The following KCNK9 variants were observed in gnomAD, a reference collection of about 807,000 sequenced individuals.
KCNK9 encodes the protein potassium channel subfamily K member 9.
KCNK9 carries 1 observed loss-of-function variant against 10.8 expected under a neutral mutation model. The observed-to-expected ratio is 0.09, with a 90% CI of 0.03 to 0.44. KCNK9 has a LOEUF of 0.44. KCNK9 is among the 20% of genes least tolerant of loss of function. The pLI is 0.97. For synonymous variants in KCNK9, 231 were observed against 222.7 expected (o/e 1.04, Z -0.33); for missense variants, 303 against 515.0 (o/e 0.59, Z 3.98).
chr8:139,606,248 C>T (rs775820903), intron 2 of KCNK9, among the ~76,000 whole-genome samples: 1 of 152,202 alleles, frequency 6.6e-6, no homozygotes, highest in Non-Finnish European at 1.5e-5. Flanking sequence ...TCTGCTACAA[C>T]TTTCCTGATT....
intron 1 of KCNK9, among the ~76,000 whole-genome samples, chr8:139,672,590 G>A (rs915545129): frequency 7.2e-5 from 11 of 152,160 alleles, no homozygotes; most frequent in African/African-American, 1.9e-4. Context: ...ACGGCCCCTC[G>A]CCTGAGGCTG....
intron 1 of KCNK9, among the ~76,000 whole-genome samples, chr8:139,669,938 A>G (rs1308791256): frequency 6.6e-6 from 1 of 152,242 alleles, no homozygotes; most frequent in African/African-American, 2.4e-5. Flanking sequence ...TGAAAACCTC[A>G]TTAATCTCTT....
downstream of KCNK9, among the ~76,000 whole-genome samples, chr8:139,614,784 C>T (rs955968463): frequency 6.6e-6 from 1 of 152,240 alleles, no homozygotes; most frequent in Non-Finnish European, 1.5e-5. Flanking sequence ...ATATTACTCT[C>T]ACTTGAACTC....
chr8:139,626,650 C>T (rs1009722432), intron 1 of KCNK9, among the ~76,000 whole-genome samples: 2 of 152,200 alleles, frequency 1.3e-5, no homozygotes, highest in African/African-American at 4.8e-5. Flanking sequence ...GTGAGGGGTA[C>T]CCATGGCTGT....
At chr8:139,632,057 G>A (rs572064617) in intron 1 of KCNK9, among the ~76,000 whole-genome samples, 2 of 152,322 alleles carry the variant, frequency 1.3e-5, no homozygotes, top group South Asian at 2.1e-4. Context: ...CCTCTTGGGA[G>A]GTTTGACAGT....
intron 1 of KCNK9, among the ~76,000 whole-genome samples, chr8:139,641,424 A>C (rs950684694): frequency 6.6e-6 from 1 of 152,178 alleles, no homozygotes; most frequent in Non-Finnish European, 1.5e-5. Flanking sequence ...AGATGACTAG[A>C]GGGACCTGGG....
At chr8:139,610,977 C>T (rs1034867484), downstream of KCNK9, among the ~76,000 whole-genome samples, 2 of 152,396 alleles carry the variant, frequency 1.3e-5, no homozygotes, top group East Asian at 1.9e-4. Flanking sequence ...AGCTGTGTCT[C>T]TGCCTAAAAT....
chr8:139,695,808 C>A (rs547692896), intron 1 of KCNK9, among the ~76,000 whole-genome samples: 1 of 152,282 alleles, frequency 6.6e-6, no homozygotes, highest in South Asian at 2.1e-4. Context: ...TGAGAACAAG[C>A]ATTGCATCTC....
At position 139,703,111 on chromosome 8, in the gene KCNK9, C is replaced by A; in HGVS notation, c.-119G>T. 1.2e-6 allele frequency: 1 copy of A among 838,532 alleles called. No homozygotes were observed. Among genetic ancestry groups the A allele is most frequent in the Non-Finnish European group, 1.6e-6 (1 of 636,530 alleles). 51.9% of individuals were successfully genotyped at this position (838,532 alleles called of 1,614,324 possible). Reference sequence around the variant, plus strand: ...TCCTCCGCCGCCGCCGCCGCCGCCTCCAAGTTGTAAGCGGCGGCGGCAGCA... The same window carrying A: ...TCCTCCGCCGCCGCCGCCGCCGCCTACAAGTTGTAAGCGGCGGCGGCAGCA... On this transcript the variant is annotated 5_prime_UTR_variant, in exon 1 of 2. Coordinates refer to ENST00000520439, the MANE Select transcript of KCNK9 (RefSeq NM_001282534.2). The surrounding 1 kb of genome is among the most constrained non-coding windows in gnomAD (Gnocchi z 6.4).
At chr8:139,624,430 G>A (rs551179875) in intron 1 of KCNK9, among the ~76,000 whole-genome samples, 32 of 152,158 alleles carry the variant, frequency 2.1e-4, no homozygotes, top group Non-Finnish European at 2.9e-4. Context: ...GCTTACAGTC[G>A]GTTCCAGTTG....
chr8:139,642,006 C>T (rs368913976), intron 1 of KCNK9, among the ~76,000 whole-genome samples: 5 of 152,282 alleles, frequency 3.3e-5, no homozygotes, highest in African/African-American at 9.6e-5. Context: ...AGCCATAGCC[C>T]GGTGAGGTAG....
chr8:139,682,126 C>G (rs1185240129), intron 1 of KCNK9, among the ~76,000 whole-genome samples: 3 of 152,248 alleles, frequency 2.0e-5, no homozygotes, highest in Non-Finnish European at 2.9e-5. Context: ...CCACCCACCT[C>G]TTCTCACAAA....
At chr8:139,685,274 T>G (rs934531590) in intron 1 of KCNK9, among the ~76,000 whole-genome samples, 2 of 152,164 alleles carry the variant, frequency 1.3e-5, no homozygotes, top group African/African-American at 4.8e-5. Flanking sequence ...TTATTTTTAT[T>G]TATTTATTTT....
chr8:139,694,813 G>C (rs1374680796), intron 1 of KCNK9, among the ~76,000 whole-genome samples: 1 of 151,940 alleles, frequency 6.6e-6, no homozygotes, highest in Non-Finnish European at 1.5e-5. Context: ...GCTCAGGGCA[G>C]GTCCACCCCA....
At chr8:139,665,303 G>T (rs1365298181) in intron 1 of KCNK9, among the ~76,000 whole-genome samples, 3 of 152,060 alleles carry the variant, frequency 2.0e-5, no homozygotes, top group Middle Eastern at 6.3e-3. Context: ...TGTCTTCAAA[G>T]CAGGGCTGTA....
intron 1 of KCNK9, among the ~76,000 whole-genome samples, chr8:139,667,888 A>T (rs902579672): frequency 6.6e-6 from 1 of 152,118 alleles, no homozygotes; most frequent in African/African-American, 2.4e-5. Context: ...CTTAATAAAA[A>T]AAAAAAAAAA....
In KCNK9 at chr8:139,702,855, G is replaced by A. The variant is rs1330009602; in HGVS notation, c.138C>T (p.Ile46=). The change falls in exon 1 of 2, where the codon ATC becomes ATT. Residue 46 remains isoleucine, a synonymous_variant. Transcript: ENST00000520439. The surrounding 1 kb of genome is among the most constrained non-coding windows in gnomAD (Gnocchi z 7.5). ...REEEKLKAEE[I]RIKGKYNISS... is the part of the protein sequence containing the mutation. ...TGATGTTGTACTTCCCCTTGATCCGGATCTCCTCGGCTTTGAGTTTCTCCT... is the reference window on the plus strand; with the variant it reads ...TGATGTTGTACTTCCCCTTGATCCGAATCTCCTCGGCTTTGAGTTTCTCCT... 1 of 1,613,916 alleles carries A rather than the reference G, an allele frequency of 6.2e-7. No homozygotes were observed. The highest frequency in any genetic ancestry group is 1.1e-5 in the South Asian group (1 of 91,086).
At chr8:139,663,278 T>A (rs1816210163) in intron 1 of KCNK9, among the ~76,000 whole-genome samples, 1 of 151,896 alleles carries the variant, frequency 6.6e-6, no homozygotes, top group African/African-American at 2.4e-5. Flanking sequence ...CCTGGGAGCA[T>A]CCAGGTCTGA....
intron 1 of KCNK9, among the ~76,000 whole-genome samples, chr8:139,636,030 G>GTT: frequency 6.6e-6 from 1 of 152,276 alleles, no homozygotes; most frequent in African/African-American, 2.4e-5. Flanking sequence ...TTATGTTTTA[G>GTT]CCAAAAGCAC....
Sources: gnomAD v4.1 joint callset for allele counts (sites outside exome capture counted in the v4.1 genomes callset) on GRCh38, gnomAD v4.1.1 for gene constraint, Gnocchi (gnomAD v3.1) non-coding constraint, MANE v1.5 for transcripts, NCBI Gene and HGNC (gene_info 2026-07-23, HGNC 2026-07-21) for gene names.